The following FHOD3 variants were observed in gnomAD, a reference collection of about 807,000 sequenced individuals.
The protein encoded by FHOD3 is FH1/FH2 domain-containing protein 3.
A neutral mutation model predicts 173.0 loss-of-function variants in FHOD3; 90 were observed. The ratio of observed to expected loss-of-function variants is 0.52; its 90% CI spans 0.44 to 0.62. The LOEUF (loss-of-function observed/expected upper bound fraction) is 0.62, where lower values mean the gene tolerates loss of function less well. Ranked by LOEUF, FHOD3 falls within the 20% of genes least tolerant of loss-of-function variation. The pLI is 0.00. For missense variants in FHOD3, 1,945 were observed against 2,034.7 expected (o/e 0.96, Z 0.85); for synonymous variants, 828 against 823.0 (o/e 1.01, Z -0.10).
intron 5 of FHOD3, among the ~76,000 whole-genome samples, chr18:36,549,640 C>T (rs1344821816): frequency 6.9e-6 from 1 of 145,134 alleles, no homozygotes; most frequent in East Asian, 2.1e-4. Flanking sequence ...CAGGTTCATG[C>T]CATTCTCCTG....
chr18:36,303,392 C>T (rs138163526), intron 1 of FHOD3, among the ~76,000 whole-genome samples: 98 of 152,190 alleles, frequency 6.4e-4, no homozygotes, highest in African/African-American at 2.2e-3. Context: ...CCTTTGCATG[C>T]GGCTGCCTGT....
intron 13 of FHOD3, among the ~76,000 whole-genome samples, chr18:36,656,748 G>A (rs201092025): frequency 9.9e-5 from 15 of 151,706 alleles, no homozygotes; most frequent in African/African-American, 2.4e-4. Flanking sequence ...ATCATTTTTC[G>A]TGTTGTCACT....
At chr18:36,502,111 A>C in intron 4 of FHOD3, 112 bp downstream of exon 4, 1 of 580,410 alleles carries the variant, frequency 1.7e-6, no homozygotes, top group Non-Finnish European at 3.0e-6. Flanking sequence ...TTAGATTACA[A>C]TATTTATATT....
intron 3 of FHOD3, among the ~76,000 whole-genome samples, chr18:36,493,364 A>C (rs1201447730): frequency 6.6e-6 from 1 of 152,008 alleles, no homozygotes; most frequent in Non-Finnish European, 1.5e-5. Flanking sequence ...TCTCTTGAAA[A>C]CATCAGCAGG....
chr18:36,469,725 C>T (rs1444717194), intron 3 of FHOD3, among the ~76,000 whole-genome samples: 1 of 152,024 alleles, frequency 6.6e-6, no homozygotes, highest in Non-Finnish European at 1.5e-5. Flanking sequence ...AATGTGAAAC[C>T]AGCTGGTGCT....
chr18:36,489,090 G>C (rs1466733798), intron 3 of FHOD3, among the ~76,000 whole-genome samples: 3 of 152,256 alleles, frequency 2.0e-5, no homozygotes, highest in African/African-American at 7.2e-5. Flanking sequence ...GGTGGTATGT[G>C]GTTGTGGTTT....
In FHOD3 at chr18:36,709,258, C is replaced by T; in HGVS notation, c.2400C>T (p.Ser800=). ...ALEQEPEERA[S]LSEKERQNEG... Reference sequence around the variant, plus strand: ...AGCAAGAGCCGGAAGAAAGAGCCTCCCTCAGTGAAAAAGAGAGGCAGAACG... The same window carrying T: ...AGCAAGAGCCGGAAGAAAGAGCCTCTCTCAGTGAAAAAGAGAGGCAGAACG... Residue 800 remains serine, a synonymous_variant, in exon 18 of 29, where the codon TCC becomes TCT. Coordinates refer to ENST00000590592, the MANE Select transcript of FHOD3 (RefSeq NM_001281740.3). The T allele has an allele frequency of 6.2e-7, 1 of 1,614,170 alleles. No individual in the cohort carries two copies. The highest frequency in any genetic ancestry group is 8.5e-7 in the Non-Finnish European group (1 of 1,180,038).
Position 36,566,040 on chromosome 18 carries a change from A to G in FHOD3, c.512-10411A>G, listed in dbSNP as rs569116958. Among the ~76,000 whole-genome samples, 3 of 152,360 alleles carry G rather than the reference A, an allele frequency of 2.0e-5. No homozygotes were observed. In the East Asian group the frequency reaches 5.8e-4, roughly 29 times the overall value. On this transcript the variant is annotated intron_variant, in intron 5 of 28. Coordinates refer to ENST00000590592, the MANE Select transcript of FHOD3 (RefSeq NM_001281740.3). ...ATATCTCTGTGCCCATTTACAGAACACATGCAACCTTAATTTCACTGTCAT... is the reference window on the plus strand; with the variant it reads ...ATATCTCTGTGCCCATTTACAGAACGCATGCAACCTTAATTTCACTGTCAT...
At chr18:36,330,872 A>G (rs138747994) in intron 1 of FHOD3, among the ~76,000 whole-genome samples, 7 of 142,784 alleles carry the variant, frequency 4.9e-5, no homozygotes, top group Non-Finnish European at 7.6e-5. Flanking sequence ...GTGAGTGAGC[A>G]AGCATGGCAT....
intron 6 of FHOD3, among the ~76,000 whole-genome samples, chr18:36,587,056 C>G (rs746056210): frequency 6.6e-6 from 1 of 151,928 alleles, no homozygotes; most frequent in Non-Finnish European, 1.5e-5. Flanking sequence ...CTCCTCAGTT[C>G]GAGAGAGTGG....
intron 19 of FHOD3, among the ~76,000 whole-genome samples, chr18:36,726,933 A>T (rs895608284): frequency 6.6e-6 from 1 of 152,192 alleles, no homozygotes; most frequent in Non-Finnish European, 1.5e-5. Flanking sequence ...TCGGCCTCCC[A>T]AAGTGCTGGG....
intron 3 of FHOD3, among the ~76,000 whole-genome samples, chr18:36,427,464 A>G (rs1371274287): frequency 6.6e-6 from 1 of 152,248 alleles, no homozygotes; most frequent in South Asian, 2.1e-4. Flanking sequence ...AGCAGTGTTC[A>G]TCCCTCTTCC....
intron 3 of FHOD3, among the ~76,000 whole-genome samples, chr18:36,465,538 CT>C (rs755648679): frequency 1.3e-5 from 2 of 152,112 alleles, no homozygotes; most frequent in African/African-American, 2.4e-5. Context: ...TTGTGGAAGG[CT>C]TTTCTAGCCC....
intron 3 of FHOD3, among the ~76,000 whole-genome samples, chr18:36,457,432 C>A (rs2052283566): frequency 6.6e-6 from 1 of 152,092 alleles, no homozygotes. Context: ...TGGTACCAAG[C>A]TCTGTAGCAC....
At chr18:36,541,216 A>G (rs570972251) in intron 5 of FHOD3, among the ~76,000 whole-genome samples, 31 of 140,390 alleles carry the variant, frequency 2.2e-4, no homozygotes, top group Admixed American at 2.0e-3. Context: ...GCACCACTGC[A>G]CTCCAGCCTA....
At chr18:36,384,897 TACC>T (rs60582813) in intron 3 of FHOD3, among the ~76,000 whole-genome samples, 67 of 151,084 alleles carry the variant, frequency 4.4e-4, no homozygotes, top group African/African-American at 1.1e-3. Context: ...TGGTGGAAGA[TACC>T]ACCACCACCA....
At chr18:36,358,638 T>C (rs998649246) in intron 2 of FHOD3, among the ~76,000 whole-genome samples, 23 of 152,176 alleles carry the variant, frequency 1.5e-4, no homozygotes, top group African/African-American at 5.6e-4. Flanking sequence ...CCAAAAGATA[T>C]TGAATAGCTA....
chr18:36,475,020 C>CACAT (rs2053488506), intron 3 of FHOD3, among the ~76,000 whole-genome samples: 1 of 139,360 alleles, frequency 7.2e-6, no homozygotes, highest in Admixed American at 7.8e-5. Context: ...CACACACACA[C>CACAT]ACACACACAC....
At chr18:36,356,629 T>TA (rs1555679568) in intron 2 of FHOD3, among the ~76,000 whole-genome samples, 329 of 150,564 alleles carry the variant, frequency 2.2e-3, no homozygotes, top group African/African-American at 7.6e-3. Context: ...CCAGCTAATT[T>TA]TATATATATA....
Sources: gnomAD v4.1 joint callset for allele counts (sites outside exome capture counted in the v4.1 genomes callset) on GRCh38, gnomAD v4.1.1 for gene constraint, MANE v1.5 for transcripts, NCBI Gene and HGNC (gene_info 2026-07-23, HGNC 2026-07-21) for gene names.